DHPS: variants seen among roughly 807,000 people sequenced by gnomAD.
The protein encoded by DHPS is deoxyhypusine synthase.
Under a neutral mutation model 38.7 loss-of-function variants are expected in DHPS, and 24 were observed. The ratio of observed to expected loss-of-function variants is 0.62; its 90% CI spans 0.45 to 0.87. DHPS has a LOEUF of 0.87. Among genes scored for constraint, DHPS ranks in the 40% least tolerant of loss-of-function variants. The probability of loss-of-function intolerance (pLI) is 0.00; values close to 1 mark genes in which losing one functional copy is unlikely to be tolerated. For missense variants in DHPS, 510 were observed against 497.6 expected (o/e 1.02, Z -0.24); for synonymous variants, 250 against 204.4 (o/e 1.22, Z -1.90).
In DHPS at chr19:12,680,833, CT is replaced by C. The variant is rs775520052; in HGVS notation, c.208-509del. Among the ~76,000 whole-genome samples the C allele has an allele frequency of 2.8e-3, 329 of 119,600 alleles. 2 individuals are homozygous for C. Among genetic ancestry groups the C allele is most frequent in the East Asian group, 0.026 (118 of 4,532 alleles). The allele number at this position is 119,600 out of a possible 152,430, so 78.5% of individuals were successfully genotyped here. A position where few individuals can be genotyped will look rare whatever the true frequency, so the allele number is the denominator to read the frequency against. On this transcript the variant is annotated intron_variant, in intron 1 of 8. Coordinates refer to ENST00000210060, the MANE Select transcript of DHPS (RefSeq NM_001930.4). ...ACAGGCATGAGCCACCGTGCCCGGCCTTTTTTTTTTTTTTTTTTTGAGACAG... is the reference window on the plus strand; with the variant it reads ...ACAGGCATGAGCCACCGTGCCCGGCCTTTTTTTTTTTTTTTTTTGAGACAG...
intron 1 of DHPS, among the ~76,000 whole-genome samples, chr19:12,680,533 C>T (rs2024771257): frequency 6.6e-6 from 1 of 150,438 alleles, no homozygotes; most frequent in Non-Finnish European, 1.5e-5. Flanking sequence ...TTTGCCCCCA[C>T]CCTTTTTTTT....
chr19:12,675,480 C>T (rs1237546249), downstream of DHPS: 2 of 1,588,810 alleles, frequency 1.3e-6, no homozygotes, highest in South Asian at 1.1e-5. Flanking sequence ...AACCAGGGTA[C>T]AGCCCAGCCA....
intron 5 of DHPS, among the ~76,000 whole-genome samples, chr19:12,679,064 G>A (rs1568318850): frequency 6.6e-6 from 1 of 152,046 alleles, no homozygotes; most frequent in Non-Finnish European, 1.5e-5. Flanking sequence ...GGGAGGCCAA[G>A]GTGGGAGGAC....
At chr19:12,673,901 T>C (rs1185513341), downstream of DHPS, among the ~76,000 whole-genome samples, 1 of 152,202 alleles carries the variant, frequency 6.6e-6, no homozygotes, top group Non-Finnish European at 1.5e-5. Context: ...GGTTTCACCA[T>C]GTTGGCCAGG....
rs748684394 is a variant in DHPS at position 12,681,552 on chromosome 19, G to A, written c.207+8C>T. The A allele has an allele frequency of 6.2e-7, 1 of 1,614,182 alleles. No individual in the cohort carries two copies. Among genetic ancestry groups the A allele is most frequent in the South Asian group, 1.1e-5 (1 of 91,080 alleles). On this transcript the variant is annotated splice_region_variant and intron_variant, in intron 1 of 8. Transcript: ENST00000210060. ...TCCGCGTCCCTAGAAATTCCGCCCG[G>A]TCCTCACCATGGCATTGACTTGCTG...
chr19:12,681,559 C>G lies in DHPS; in HGVS notation c.207+1G>C, dbSNP rs1410555050. ...CCCTAGAAATTCCGCCCGGTCCTCA[C>G]CATGGCATTGACTTGCTGTACAGCG... On this transcript the variant is annotated splice_donor_variant, in intron 1 of 8. Coordinates refer to ENST00000210060, the MANE Select transcript of DHPS (RefSeq NM_001930.4). LOFTEE classifies it high-confidence loss of function. 2 of 1,614,240 alleles carry G rather than the reference C, an allele frequency of 1.2e-6. No homozygotes were observed. The highest frequency in any genetic ancestry group is 1.1e-5 in the South Asian group (1 of 91,090).
chr19:12,680,472 T>G, intron 1 of DHPS, 147 bp from the exon 2 acceptor site: 1 of 758,798 alleles, frequency 1.3e-6, no homozygotes, highest in Non-Finnish European at 2.2e-6. Context: ...GAACATCTCC[T>G]GTGTAAACTC....
intron 1 of DHPS, among the ~76,000 whole-genome samples, chr19:12,680,535 C>CTT (rs869197999): frequency 7.1e-6 from 1 of 140,108 alleles, no homozygotes. Context: ...TGCCCCCACC[C>CTT]TTTTTTTTTT....
In DHPS at chr19:12,675,772, G is replaced by A. The variant is rs886819138; in HGVS notation, c.*66C>T. 2.6e-6 allele frequency: 4 copies of A among 1,566,082 alleles called. No homozygotes were observed. The highest frequency in any genetic ancestry group is 2.7e-5 in the African/African-American group (2 of 73,410). On this transcript the variant is annotated 3_prime_UTR_variant, in exon 9 of 9. Transcript: ENST00000210060. ...GAGACGTAGCTGACCAAAAAGTAGG[G>A]GAGGGGCTGGGTCTGCAAATTAATA... is the stretch of plus-strand genomic sequence containing the variant.
At chr19:12,681,177 G>A (rs1333422815) in intron 1 of DHPS, 2 of 1,248,446 alleles carry the variant, frequency 1.6e-6, no homozygotes, top group Admixed American at 3.2e-5. Context: ...TTTCAGATCC[G>A]GTCCCTTCCC....
Position 12,679,815 on chromosome 19 carries a change from C to T in DHPS, c.480G>A (p.Glu160=). Residue 160 remains glutamate (E), a synonymous_variant, in exon 3 of 9, where the codon GAG becomes GAA. Coordinates refer to ENST00000210060, the MANE Select transcript of DHPS (RefSeq NM_001930.4). ...EFSLRGKELR[E]NGINRIGNLL... ...AGGGTTCTCACCTATTGATCCCGTT[C>T]TCCCGGAGCTCCTTCCCCCTGAGGC... The T allele has an allele frequency of 6.2e-7, 1 of 1,614,168 alleles. No individual in the cohort carries two copies. Among genetic ancestry groups the T allele is most frequent in the Non-Finnish European group, 8.5e-7 (1 of 1,180,008 alleles).
chr19:12,673,410 CTTTTTTTTTTTTTT>C (rs58676851), downstream of DHPS: 30 of 248,048 alleles, frequency 1.2e-4, no homozygotes, highest in East Asian at 2.8e-3. Context: ...AGGCTAGGAT[CTTTTTTTTTTTTTT>C]TTTTTTTTTT....
chr19:12,677,195 G>A lies in DHPS; in HGVS notation c.801C>T (p.Asn267=), dbSNP rs1469873473. ...TGCACTTGGCAAAGATGGCCTGTGT[G>A]TTGATGAGCCTCAGGTCTGGGGGAA... ...LDIVEDLRLI[N]TQAIFAKCTG... The change falls in exon 7 of 9, where the codon AAC becomes AAT. Residue 267 remains asparagine (N), a synonymous_variant. Coordinates refer to ENST00000210060, the MANE Select transcript of DHPS (RefSeq NM_001930.4). 1 of 1,614,256 alleles carries A rather than the reference G, an allele frequency of 6.2e-7. No homozygotes were observed. Among genetic ancestry groups the A allele is most frequent in the Non-Finnish European group, 8.5e-7 (1 of 1,180,048 alleles).
intron 1 of DHPS, chr19:12,681,336 C>T: frequency 2.9e-6 from 3 of 1,045,832 alleles, no homozygotes; most frequent in East Asian, 5.4e-5. Flanking sequence ...AGAATCAGTC[C>T]TCGCCTCCTC....
At chr19:12,675,386 T>C (rs182428943), downstream of DHPS, 1,052 of 1,249,180 alleles carry the variant, frequency 8.4e-4, 6 homozygotes, top group African/African-American at 0.014. Flanking sequence ...TAGGAGGCAA[T>C]TAGAGGCAGG....
downstream of DHPS, chr19:12,675,583 C>A (rs2024550986): frequency 3.1e-6 from 5 of 1,605,778 alleles, no homozygotes; most frequent in Non-Finnish European, 4.2e-6. Flanking sequence ...GGCCTACCAC[C>A]CAACAGAGCC....
At chr19:12,673,291 A>T, downstream of DHPS, 1 of 1,613,556 alleles carries the variant, frequency 6.2e-7, no homozygotes, top group Non-Finnish European at 8.5e-7. Flanking sequence ...GAGGACGGGA[A>T]GGTGTTCTTC....
chr19:12,679,432 A>G (rs1472590143), intron 5 of DHPS, 25 bp downstream of exon 5: 13 of 1,609,046 alleles, frequency 8.1e-6, no homozygotes, highest in Non-Finnish European at 1.0e-5. Flanking sequence ...AAGTCTGGCT[A>G]CTTTGCTCCC....
intron 5 of DHPS, among the ~76,000 whole-genome samples, chr19:12,678,953 G>A (rs773564652): frequency 5.3e-5 from 8 of 151,792 alleles, no homozygotes; most frequent in Admixed American, 2.6e-4. Flanking sequence ...TCTGGGAGGA[G>A]CATAAGGATG....
Sources: allele counts gnomAD v4.1 joint callset (sites outside exome capture counted in the v4.1 genomes callset), GRCh38; gene constraint gnomAD v4.1.1; transcripts MANE v1.5; gene names NCBI Gene and HGNC (gene_info 2026-07-23, HGNC 2026-07-21).